TMEM259: variants seen among roughly 807,000 people sequenced by gnomAD.
TMEM259 encodes membralin.
A neutral mutation model predicts 46.7 loss-of-function variants in TMEM259; 26 were observed. That is an observed-to-expected ratio of 0.56 (90% confidence interval 0.41 to 0.77). The LOEUF is 0.77. TMEM259 is among the 30% of genes least tolerant of loss of function. TMEM259 has a pLI of 0.00. For missense variants in TMEM259, 930 were observed against 900.5 expected, an observed-to-expected ratio of 1.03 and a Z score of -0.42; for synonymous variants, 494 against 395.1, an observed-to-expected ratio of 1.25 and a Z score of -2.97.
In TMEM259 at chr19:1,021,055, ATCGGCCGCCC is replaced by A; in HGVS notation, c.-69_-60del. The A allele has an allele frequency of 7.8e-7, 1 of 1,287,312 alleles. No individual in the cohort carries two copies. The highest frequency in any genetic ancestry group is 9.9e-7 in the Non-Finnish European group (1 of 1,010,560). 79.7% of individuals were successfully genotyped at this position (1,287,312 alleles called of 1,614,324 possible). A position where few individuals can be genotyped will look rare whatever the true frequency, so the allele number is the denominator to read the frequency against. ...TGTCCGAGGGCGCCTCCCGGCCGCC[ATCGGCCGCCC>A]TCGCAGCCGCCGCTCTCCTCACGGC... On this transcript the variant is annotated 5_prime_UTR_variant, in exon 1 of 11. The change creates a new upstream start codon in the 5' untranslated region. Coordinates refer to ENST00000356663, the MANE Select transcript of TMEM259 (RefSeq NM_001033026.2).
chr19:1,010,943 C>T lies in TMEM259; in HGVS notation c.1318-48G>A, dbSNP rs375122435. On this transcript the variant is annotated intron_variant, in intron 10 of 10. Coordinates refer to ENST00000356663, the MANE Select transcript of TMEM259 (RefSeq NM_001033026.2). ...CAGGACGGGCCCGCCCCTGCCCCAC[C>T]CAGCCGCTGCTCCCAGAGGGCAGCC... The T allele has an allele frequency of 2.1e-4, 329 of 1,566,862 alleles. 2 individuals carry two copies. The African/African-American group carries it at 4.1e-3, about 19-fold the overall frequency.
rs1419642686 is a variant in TMEM259, at chr19:1,011,528, C to CGGGCG, written c.1085-34_1085-30dup. 11 of 654,398 alleles carry CGGGCG rather than the reference C, an allele frequency of 1.7e-5. No homozygotes were observed. The East Asian group carries it at 6.8e-4, about 40-fold the overall frequency. The allele number at this position is 654,398 out of a possible 1,614,324, so 40.5% of individuals were successfully genotyped here. On this transcript the variant is annotated intron_variant, in intron 8 of 10. Coordinates refer to ENST00000356663, the MANE Select transcript of TMEM259 (RefSeq NM_001033026.2). ...CAGGGAGAGGCGGCGCCGGTTGAAGCGGGCGGGGCGGGGTGCAGCGCGGGG... is the reference window on the plus strand; with the variant it reads ...CAGGGAGAGGCGGCGCCGGTTGAAGCGGGCGGGGCGGGGCGGGGTGCAGCGCGGGG...
At position 1,011,810 on chromosome 19, in the gene TMEM259, G is replaced by A. The variant is rs370000710; in HGVS notation, c.943-12C>T. 51 of 1,584,002 alleles carry A rather than the reference G, an allele frequency of 3.2e-5. No individual in the cohort carries two copies. In the African/African-American group the frequency reaches 4.9e-4, roughly 15 times the overall value. Reference sequence around the variant, plus strand: ...GACACGCTCAGCGTCTGCAAGGGGCGCGCAGGAAGCGCTATGAGGGGCTGC... The same window carrying A: ...GACACGCTCAGCGTCTGCAAGGGGCACGCAGGAAGCGCTATGAGGGGCTGC... On this transcript the variant is annotated splice_polypyrimidine_tract_variant and intron_variant, in intron 6 of 10. Transcript: ENST00000356663.
At position 1,011,367 on chromosome 19, in the gene TMEM259, C is replaced by A; in HGVS notation, c.1217G>T (p.Arg406Leu). 2 of 1,572,792 alleles carry A rather than the reference C, an allele frequency of 1.3e-6. No individual in the cohort carries two copies. The highest frequency in any genetic ancestry group is 1.7e-6 in the Non-Finnish European group (2 of 1,160,906). The stretch of plus-strand genomic sequence containing the variant: ...CACCCTGCCCCCGCGCCACGCTCAC[C>A]GCAGCCAATGCCGCTTGCTGGTGCT... ...HTSTSKRHWL[R>L]FFYLYHFAFY... is the part of the protein sequence containing the mutation. Residue 406 changes from arginine to leucine, a missense_variant and splice_region_variant, in exon 9 of 11, where the codon CGG becomes CTG. Arg to Leu is a moderately radical substitution (Grantham distance 102). Transcript: ENST00000356663.
chr19:1,016,578 C>T (rs1325299155), intron 1 of TMEM259, among the ~76,000 whole-genome samples: 1 of 152,216 alleles, frequency 6.6e-6, no homozygotes, highest in South Asian at 2.1e-4. Flanking sequence ...GGGCCGAGGT[C>T]GGGGCTGTCC....
Position 1,013,358 on chromosome 19 carries a change from C to A in TMEM259, c.508-18G>T. 1 of 1,612,858 alleles carries A rather than the reference C, an allele frequency of 6.2e-7. No individual in the cohort carries two copies. The highest frequency in any genetic ancestry group is 8.5e-7 in the Non-Finnish European group (1 of 1,179,240). ...AGCTCAAACTGTGGGCGACCAGGGACCTGGGTGTCAGCAGCGCCAGCCCGG... is the reference window on the plus strand; with the variant it reads ...AGCTCAAACTGTGGGCGACCAGGGAACTGGGTGTCAGCAGCGCCAGCCCGG... On this transcript the variant is annotated intron_variant, in intron 2 of 10. Coordinates refer to ENST00000356663, the MANE Select transcript of TMEM259 (RefSeq NM_001033026.2).
chr19:1,010,755 C>T lies in TMEM259; in HGVS notation c.1458G>A (p.Ser486=), dbSNP rs370807950. The T allele has an allele frequency of 1.9e-5, 29 of 1,538,732 alleles. No homozygotes were observed. The African/African-American group carries it at 2.5e-4, about 13-fold the overall frequency. ...AGTCAGGGGCTGTAGCCGGGGCGCC[C>T]GAGTTGTTGTTCATGTCATCGGGCA... is the stretch of plus-strand genomic sequence containing the variant. ...TALPDDMNNN[S]GAPATAPDSA... is the part of the protein sequence containing the mutation. Residue 486 remains serine, a synonymous_variant, in exon 11 of 11, where the codon TCG becomes TCA. Coordinates refer to ENST00000356663, the MANE Select transcript of TMEM259 (RefSeq NM_001033026.2).
In TMEM259 at chr19:1,010,196, A is replaced by G. The variant is rs2038853834; in HGVS notation, c.*154T>C. The G allele has an allele frequency of 1.4e-6, 1 of 700,584 alleles. No individual in the cohort carries two copies. The highest frequency in any genetic ancestry group is 3.7e-5 in the Admixed American group (1 of 26,810). The allele number at this position is 700,584 out of a possible 1,614,324, so 43.4% of individuals were successfully genotyped here. On this transcript the variant is annotated 3_prime_UTR_variant, in exon 11 of 11. Coordinates refer to ENST00000356663, the MANE Select transcript of TMEM259 (RefSeq NM_001033026.2). Reference sequence around the variant, plus strand: ...CGCGACCTCACACCAGGGGGAGGAAAGCCGCCTTCCGGGCAAACCCCACGA... The same window carrying G: ...CGCGACCTCACACCAGGGGGAGGAAGGCCGCCTTCCGGGCAAACCCCACGA...
At chr19:1,011,015 CAGG>C in intron 10 of TMEM259, 78 bp downstream of exon 10, 1 of 1,547,032 alleles carries the variant, frequency 6.5e-7, no homozygotes, top group Non-Finnish European at 8.7e-7. Context: ...GCCGACCCCA[CAGG>C]GCATCCTCCC....
In TMEM259 at chr19:1,010,577, C is replaced by T. The variant is rs1288669881; in HGVS notation, c.1636G>A (p.Ala546Thr). 2.6e-6 allele frequency: 4 copies of T among 1,550,048 alleles called. No individual in the cohort carries two copies. The highest frequency in any genetic ancestry group is 2.4e-5 in the South Asian group (2 of 84,342). ...AGGAAGGAGGCGTCTGTGATGATGG[C>T]AGCGGTCTCTGCCATCCAACCCAGG... ...GDLGWMAETA[A>T]IITDASFLSG... Residue 546 changes from alanine to threonine, a missense_variant, in exon 11 of 11, where the codon GCC (alanine) becomes ACC (threonine). Coordinates refer to ENST00000356663, the MANE Select transcript of TMEM259 (RefSeq NM_001033026.2).
Position 1,020,811 on chromosome 19 carries a change from G to A in TMEM259, c.186C>T (p.Pro62=), listed in dbSNP as rs1429374694. Residue 62 remains proline, a synonymous_variant, in exon 1 of 11, where the codon CCC becomes CCT. Transcript: ENST00000356663. This position sits in a 1 kb window ranked among gnomAD's most constrained non-coding sequence, Gnocchi z 4.0. ...MAVTYSRLFP[P]AFRRLFEFFV... ...AGAACTCGAAGAGACGGCGGAAGGC[G>A]GGCGGGAAGAGCCGCGAATAGGTGA... The A allele has an allele frequency of 2.2e-6, 3 of 1,364,884 alleles. No homozygotes were observed. The highest frequency in any genetic ancestry group is 1.9e-4 in the Middle Eastern group (1 of 5,138). The allele number at this position is 1,364,884 out of a possible 1,614,324, so 84.5% of individuals were successfully genotyped here. A position where few individuals can be genotyped will look rare whatever the true frequency, so the allele number is the denominator to read the frequency against.
chr19:1,010,423 A>C lies in TMEM259; in HGVS notation c.1790T>G (p.Leu597Arg). 4 of 1,531,590 alleles carry C rather than the reference A, an allele frequency of 2.6e-6. No individual in the cohort carries two copies. Among genetic ancestry groups the C allele is most frequent in the Non-Finnish European group, 3.5e-6 (4 of 1,141,756 alleles). 94.9% of individuals were successfully genotyped at this position (1,531,590 alleles called of 1,614,324 possible). The change falls in exon 11 of 11, where the codon CTG (leucine) becomes CGG (arginine). Residue 597 changes from leucine (L) to arginine (R), a missense_variant. By Grantham distance (102) the Leu-to-Arg change is moderately radical. Transcript: ENST00000356663. Reference sequence around the variant, plus strand: ...GCTAGGCCCGCCTACCGCAGCCCCCAGGGGAGTTGTGTCAGAAGCTGCGGA... The same window carrying C: ...GCTAGGCCCGCCTACCGCAGCCCCCCGGGGAGTTGTGTCAGAAGCTGCGGA... ...SDSAASDTTP[L>R]GAAVGGPSPA...
chr19:1,018,821 A>C (rs1480634640), intron 1 of TMEM259, among the ~76,000 whole-genome samples: 2 of 152,110 alleles, frequency 1.3e-5, no homozygotes, highest in Admixed American at 6.6e-5. Flanking sequence ...CCCAGTCTCT[A>C]CTAAAAAGAC....
At chr19:1,019,204 A>C (rs62131165) in intron 1 of TMEM259, among the ~76,000 whole-genome samples, 316 of 152,258 alleles carry the variant, frequency 2.1e-3, no homozygotes, top group Middle Eastern at 6.8e-3. Flanking sequence ...CCAAACCGGG[A>C]CATGGTGGGA....
At position 1,009,806 on chromosome 19, in the gene TMEM259, G is replaced by C; in HGVS notation, c.*544C>G. 2.1e-6 allele frequency: 1 copy of C among 482,710 alleles called. No individual in the cohort carries two copies. Among genetic ancestry groups the C allele is most frequent in the East Asian group, 3.6e-5 (1 of 27,582 alleles). The allele number at this position is 482,710 out of a possible 1,614,324, so 29.9% of individuals were successfully genotyped here. On this transcript the variant is annotated 3_prime_UTR_variant, in exon 11 of 11. Transcript: ENST00000356663. ...CGAGTGGGACTGGACCACGGCCCTG[G>C]CTGCTGCCACTGATGTTGGCGCCTG... is the stretch of plus-strand genomic sequence containing the variant.
chr19:1,019,818 C>T (rs2039228887), intron 1 of TMEM259, among the ~76,000 whole-genome samples: 1 of 152,222 alleles, frequency 6.6e-6, no homozygotes, highest in Non-Finnish European at 1.5e-5. Flanking sequence ...TGATGCAGAA[C>T]GAAAACGGCC....
chr19:1,011,880 C>A lies in TMEM259; in HGVS notation c.942+12G>T, dbSNP rs555802063. 7.7e-5 allele frequency: 123 copies of A among 1,605,682 alleles called. 1 individual carries two copies. The South Asian group carries it at 1.3e-3, about 17-fold the overall frequency. On this transcript the variant is annotated intron_variant, in intron 6 of 10. Transcript: ENST00000356663. Reference sequence around the variant, plus strand: ...GCCCGGCCAGCCCCCGCACCCGCCCCGAGGCACTCACGAAGATGACCATGA... The same window carrying A: ...GCCCGGCCAGCCCCCGCACCCGCCCAGAGGCACTCACGAAGATGACCATGA...
At chr19:1,012,626 C>T (rs950705142) in intron 3 of TMEM259, 53 bp from the exon 4 acceptor site, 1 of 1,533,486 alleles carries the variant, frequency 6.5e-7, no homozygotes, top group African/African-American at 1.4e-5. Flanking sequence ...GTCCCCCGCC[C>T]ACTGCCAGCA....
At chr19:1,019,200 CG>C (rs539175407) in intron 1 of TMEM259, among the ~76,000 whole-genome samples, 316 of 152,252 alleles carry the variant, frequency 2.1e-3, no homozygotes, top group Middle Eastern at 6.8e-3. Context: ...CTTTCCAAAC[CG>C]GGACATGGTG....
Sources: gnomAD v4.1 joint callset for allele counts (sites outside exome capture counted in the v4.1 genomes callset) on GRCh38, gnomAD v4.1.1 for gene constraint, Gnocchi (gnomAD v3.1) non-coding constraint, MANE v1.5 for transcripts, NCBI Gene and HGNC (gene_info 2026-07-23, HGNC 2026-07-21) for gene names.